ADAMTS3: variants seen among roughly 807,000 people sequenced by gnomAD.
ADAMTS3 encodes A disintegrin and metalloproteinase with thrombospondin motifs 3.
In ADAMTS3, 73 loss-of-function variants were observed where a neutral mutation model predicts 129.0. That is an observed-to-expected ratio of 0.57 (90% CI 0.47 to 0.69). The LOEUF (loss-of-function observed/expected upper bound fraction) is 0.69. Among genes scored for constraint, ADAMTS3 ranks in the 30% least tolerant of loss-of-function variants. The probability of loss-of-function intolerance (pLI) is 0.00; values close to 1 mark genes in which losing one functional copy is unlikely to be tolerated. For synonymous variants in ADAMTS3, 477 were observed against 510.8 expected (o/e 0.93, Z 0.89); for missense variants, 1,457 against 1,514.5 (o/e 0.96, Z 0.63).
At chr4:72,363,625 A>G (rs937680050) in intron 4 of ADAMTS3, among the ~76,000 whole-genome samples, 2 of 152,206 alleles carry the variant, frequency 1.3e-5, no homozygotes, top group African/African-American at 4.8e-5. Flanking sequence ...TAGTCTGGGA[A>G]GCCCAGGCAC....
chr4:72,453,887 A>C (rs1220209984), intron 3 of ADAMTS3, among the ~76,000 whole-genome samples: 2 of 148,498 alleles, frequency 1.3e-5, no homozygotes, highest in Non-Finnish European at 3.0e-5. Context: ...ATTATACTAT[A>C]TTATATTATA....
At chr4:72,456,421 A>T (rs138305741) in intron 3 of ADAMTS3, among the ~76,000 whole-genome samples, 2 of 135,490 alleles carry the variant, frequency 1.5e-5, no homozygotes, top group Non-Finnish European at 3.0e-5. Flanking sequence ...GTATATATAT[A>T]ACATATATAT....
intron 2 of ADAMTS3, among the ~76,000 whole-genome samples, chr4:72,564,047 CT>C (rs1164024585): frequency 1.3e-5 from 2 of 152,078 alleles, no homozygotes; most frequent in Middle Eastern, 3.4e-3. Context: ...AGATTAGCAA[CT>C]TTATTTTTTT....
chr4:72,292,504 C>T (rs1718700091), intron 19 of ADAMTS3, among the ~76,000 whole-genome samples: 1 of 152,170 alleles, frequency 6.6e-6, no homozygotes, highest in Non-Finnish European at 1.5e-5. Context: ...CCGATAGAAA[C>T]ATTTCCAGAG....
At chr4:72,527,432 G>A (rs1178843644) in intron 3 of ADAMTS3, among the ~76,000 whole-genome samples, 1 of 152,102 alleles carries the variant, frequency 6.6e-6, no homozygotes, top group Non-Finnish European at 1.5e-5. Flanking sequence ...ACCTCATGGG[G>A]CAAATACTAT....
chr4:72,556,601 G>T (rs2109799958), intron 2 of ADAMTS3, among the ~76,000 whole-genome samples: 1 of 151,934 alleles, frequency 6.6e-6, no homozygotes, highest in East Asian at 1.9e-4. Flanking sequence ...GCAAGGAAGA[G>T]ATTTGGGTAT....
intron 5 of ADAMTS3, among the ~76,000 whole-genome samples, chr4:72,331,732 A>G (rs931210694): frequency 7.2e-5 from 11 of 151,994 alleles, no homozygotes; most frequent in African/African-American, 2.2e-4. Flanking sequence ...ATCTTCCAAG[A>G]CCTATCTCCC....
rs1398366823 is a variant in ADAMTS3 at position 72,568,896 on chromosome 4, C to T, written c.-134G>A. 15 of 669,158 alleles carry T rather than the reference C, an allele frequency of 2.2e-5. No homozygotes were observed. The highest frequency in any genetic ancestry group is 3.8e-5 in the Non-Finnish European group (15 of 393,136). 41.5% of individuals were successfully genotyped at this position (669,158 alleles called of 1,614,324 possible). A position where few individuals can be genotyped will look rare whatever the true frequency, so the allele number is the denominator to read the frequency against. ...ATGCGAAATAGAAAAAAATGATCTT[C>T]TGTGCTTTGCTTCAATGAAAATGAA... On this transcript the variant is annotated 5_prime_UTR_variant, in exon 1 of 22. Transcript: ENST00000286657.
At chr4:72,381,163 G>A (rs1481538468) in intron 4 of ADAMTS3, among the ~76,000 whole-genome samples, 1 of 152,102 alleles carries the variant, frequency 6.6e-6, no homozygotes, top group Non-Finnish European at 1.5e-5. Context: ...GTAGACTGGG[G>A]TGTTATATGG....
intron 3 of ADAMTS3, among the ~76,000 whole-genome samples, chr4:72,503,158 GA>G (rs1444691047): frequency 6.6e-6 from 1 of 152,006 alleles, no homozygotes; most frequent in Non-Finnish European, 1.5e-5. Context: ...AAGTAGCTGG[GA>G]TTACAGGTGC....
intron 20 of ADAMTS3, among the ~76,000 whole-genome samples, chr4:72,290,021 T>C (rs1282535897): frequency 6.6e-6 from 1 of 152,206 alleles, no homozygotes; most frequent in African/African-American, 2.4e-5. Flanking sequence ...TTTCATGCCC[T>C]TTCCTCCTAT....
intron 3 of ADAMTS3, among the ~76,000 whole-genome samples, chr4:72,547,614 T>G (rs182817779): frequency 6.6e-6 from 1 of 152,184 alleles, no homozygotes; most frequent in African/African-American, 2.4e-5. Context: ...TCTCAAACTA[T>G]CTATGGTGAA....
At chr4:72,460,613 C>A (rs549601196) in intron 3 of ADAMTS3, among the ~76,000 whole-genome samples, 483 of 150,686 alleles carry the variant, frequency 3.2e-3, no homozygotes, top group Non-Finnish European at 5.2e-3. Context: ...TCAAAAAAAC[C>A]ATGCCTAAAA....
At chr4:72,431,379 C>A (rs1284877755) in intron 3 of ADAMTS3, among the ~76,000 whole-genome samples, 6 of 151,932 alleles carry the variant, frequency 3.9e-5, no homozygotes, top group Non-Finnish European at 5.9e-5. Context: ...AATAAAAGGA[C>A]AGGCTAAGCA....
chr4:72,477,375 G>C (rs2110000752), intron 3 of ADAMTS3, among the ~76,000 whole-genome samples: 1 of 152,224 alleles, frequency 6.6e-6, no homozygotes, highest in East Asian at 1.9e-4. Flanking sequence ...CTAGAACTCA[G>C]GATTAAGAAA....
intron 4 of ADAMTS3, among the ~76,000 whole-genome samples, chr4:72,370,271 T>G (rs1190861446): frequency 9.9e-5 from 15 of 152,156 alleles, no homozygotes; most frequent in Admixed American, 6.5e-4. Flanking sequence ...GGCTGTTGCT[T>G]CCCAGCCTGG....
intron 3 of ADAMTS3, among the ~76,000 whole-genome samples, chr4:72,512,171 A>G (rs140907240): frequency 1.8e-3 from 270 of 152,206 alleles, no homozygotes; most frequent in Non-Finnish European, 2.2e-3. Flanking sequence ...ATAAAAAATA[A>G]GTAGAAAGAA....
intron 3 of ADAMTS3, among the ~76,000 whole-genome samples, chr4:72,425,903 C>T (rs886172103): frequency 1.5e-4 from 22 of 151,676 alleles, no homozygotes; most frequent in South Asian, 6.3e-4. Context: ...CCTGAGGAAT[C>T]ACCACACTGA....
At chr4:72,415,995 C>A (rs980232552) in intron 3 of ADAMTS3, among the ~76,000 whole-genome samples, 4 of 151,302 alleles carry the variant, frequency 2.6e-5, no homozygotes, top group Non-Finnish European at 4.4e-5. Context: ...TTTCTCAAAC[C>A]TTTAACTTAT....
Sources: gnomAD v4.1 joint callset for allele counts (sites outside exome capture counted in the v4.1 genomes callset) on GRCh38, gnomAD v4.1.1 for gene constraint, MANE v1.5 for transcripts, NCBI Gene and HGNC (gene_info 2026-07-23, HGNC 2026-07-21) for gene names.